SPOCK1: variants seen among roughly 807,000 people sequenced by gnomAD.
SPOCK1 encodes testican-1.
SPOCK1 carries 23 observed loss-of-function variants against 55.3 expected under a neutral mutation model. That is an observed-to-expected ratio of 0.42 (90% CI 0.30 to 0.59). The LOEUF (loss-of-function observed/expected upper bound fraction) is 0.59. Among genes scored for constraint, SPOCK1 ranks in the 20% least tolerant of loss-of-function variants. SPOCK1 has a pLI of 0.22. For synonymous variants in SPOCK1, 226 were observed against 221.0 expected (o/e 1.02, Z -0.20); for missense variants, 499 against 552.5 (o/e 0.90, Z 0.97).
At chr5:137,311,385 C>T (rs964009239) in intron 2 of SPOCK1, among the ~76,000 whole-genome samples, 10 of 152,122 alleles carry the variant, frequency 6.6e-5, no homozygotes, top group African/African-American at 2.4e-4. Context: ...CAATCTGGAC[C>T]GCATATTAAA....
chr5:137,265,344 T>C (rs1756828334), intron 3 of SPOCK1, among the ~76,000 whole-genome samples: 1 of 152,214 alleles, frequency 6.6e-6, no homozygotes, highest in Admixed American at 6.5e-5. Context: ...CAACATTTGA[T>C]CCTTATAGCA....
chr5:137,190,901 A>G (rs534219877), intron 3 of SPOCK1, among the ~76,000 whole-genome samples: 1 of 152,266 alleles, frequency 6.6e-6, no homozygotes, highest in Non-Finnish European at 1.5e-5. Flanking sequence ...GTCTATGTAT[A>G]TTTTCTGAGC....
At chr5:136,990,243 A>G (rs1223540456) in intron 7 of SPOCK1, among the ~76,000 whole-genome samples, 1 of 152,054 alleles carries the variant, frequency 6.6e-6, no homozygotes, top group East Asian at 1.9e-4. Flanking sequence ...ATCTTTGCAG[A>G]AAAGTCTTCA....
At chr5:137,147,804 C>T (rs947711771) in intron 3 of SPOCK1, among the ~76,000 whole-genome samples, 1 of 152,122 alleles carries the variant, frequency 6.6e-6, no homozygotes, top group Non-Finnish European at 1.5e-5. Context: ...TAGTTAATAA[C>T]ATAATACATT....
chr5:137,222,925 T>C (rs1241327965), intron 3 of SPOCK1, among the ~76,000 whole-genome samples: 1 of 152,080 alleles, frequency 6.6e-6, no homozygotes, highest in African/African-American at 2.4e-5. Context: ...ACACAGTATA[T>C]TGGTGGCTTT....
chr5:137,119,594 G>A lies in SPOCK1; in HGVS notation c.348-7033C>T, dbSNP rs951535549. Among the ~76,000 whole-genome samples the A allele has an allele frequency of 3.3e-5, 5 of 152,176 alleles. No homozygotes were observed. In the South Asian group the frequency reaches 6.2e-4, roughly 19 times the overall value. The stretch of plus-strand genomic sequence containing the variant: ...GTTCCAAATGAAGAAGATCCCAGAC[G>A]TGAAAGCATGTCCAAAGAGTCCAGT... On this transcript the variant is annotated intron_variant, in intron 4 of 10. Transcript: ENST00000394945.
At chr5:137,144,541 A>G (rs1754157957) in intron 3 of SPOCK1, among the ~76,000 whole-genome samples, 1 of 152,216 alleles carries the variant, frequency 6.6e-6, no homozygotes, top group South Asian at 2.1e-4. Flanking sequence ...CATTTGTTTA[A>G]TCACCTCGCC....
intron 2 of SPOCK1, among the ~76,000 whole-genome samples, chr5:137,324,219 T>C (rs1758032829): frequency 6.6e-6 from 1 of 152,076 alleles, no homozygotes; most frequent in Admixed American, 6.5e-5. Context: ...CAGAGGTGGG[T>C]GGATCACTTG....
intron 5 of SPOCK1, among the ~76,000 whole-genome samples, chr5:137,087,913 A>C (rs1461114843): frequency 2.6e-5 from 4 of 152,236 alleles, no homozygotes; most frequent in Non-Finnish European, 5.9e-5. Flanking sequence ...GGATTTCTGC[A>C]ACAAAGAGCT....
At chr5:137,081,815 T>C (rs897826973) in intron 5 of SPOCK1, among the ~76,000 whole-genome samples, 3 of 152,248 alleles carry the variant, frequency 2.0e-5, no homozygotes, top group Admixed American at 6.5e-5. Context: ...CAAAGAGGAT[T>C]TTCTTTGCTT....
intron 2 of SPOCK1, among the ~76,000 whole-genome samples, chr5:137,493,794 C>T (rs1041146537): frequency 6.6e-6 from 1 of 152,194 alleles, no homozygotes; most frequent in Non-Finnish European, 1.5e-5. Flanking sequence ...TCCACTAAGC[C>T]ATACCACCTC....
rs77897361 is a variant in SPOCK1, at chr5:137,213,409, T to C, written c.232+53601A>G. On this transcript the variant is annotated intron_variant, in intron 3 of 10. Transcript: ENST00000394945. ...CTATCAAGAACTCATATTTTTAGAC[T>C]TGATGAGCCAAGCTCTGTGCAGAGC... 7.5e-3 allele frequency among the ~76,000 whole-genome samples: 1,143 copies of C among 152,322 alleles called. 9 individuals are homozygous for C. Among genetic ancestry groups the C allele is most frequent in the Non-Finnish European group, 0.014 (919 of 68,028 alleles).
chr5:137,069,906 G>A (rs1223903431), intron 5 of SPOCK1, among the ~76,000 whole-genome samples: 2 of 152,250 alleles, frequency 1.3e-5, no homozygotes, highest in African/African-American at 2.4e-5. Context: ...GTTACTGCCC[G>A]ATTGTATCTG....
intron 2 of SPOCK1, among the ~76,000 whole-genome samples, chr5:137,470,213 T>C (rs1753707219): frequency 6.6e-6 from 1 of 152,206 alleles, no homozygotes. Flanking sequence ...GAGTGCATCC[T>C]CAGCTAAACA....
chr5:137,409,428 G>C (rs1390784252), intron 2 of SPOCK1, among the ~76,000 whole-genome samples: 2 of 152,284 alleles, frequency 1.3e-5, no homozygotes, highest in Non-Finnish European at 1.5e-5. Context: ...AGGAAATCTG[G>C]AGGAGGAAGT....
intron 8 of SPOCK1, among the ~76,000 whole-genome samples, chr5:136,987,684 ATCC>A (rs1181913502): frequency 6.6e-6 from 1 of 152,156 alleles, no homozygotes; most frequent in Non-Finnish European, 1.5e-5. Flanking sequence ...ATTAGCAGCC[ATCC>A]TCCTTTCCTG....
chr5:137,448,466 C>T (rs1753177333), intron 2 of SPOCK1, among the ~76,000 whole-genome samples: 1 of 152,070 alleles, frequency 6.6e-6, no homozygotes, highest in Admixed American at 6.5e-5. Flanking sequence ...CTGTGAAGTG[C>T]AACCCCAGAG....
rs117631513 is a variant in SPOCK1, at chr5:137,035,947, A to G, written c.589+31768T>C. On this transcript the variant is annotated intron_variant, in intron 6 of 10. Coordinates refer to ENST00000394945, the MANE Select transcript of SPOCK1 (RefSeq NM_004598.4). ...CTGGGGATTAACCAGGGATTGAGGC[A>G]GAGATGGAGCTGCCCTCATGGAGCT... Among the ~76,000 whole-genome samples, 20 of 152,330 alleles carry G rather than the reference A, an allele frequency of 1.3e-4. No homozygotes were observed. The East Asian group carries it at 3.5e-3, about 27-fold the overall frequency.
chr5:137,415,225 T>C (rs192201645), intron 2 of SPOCK1, among the ~76,000 whole-genome samples: 2 of 152,326 alleles, frequency 1.3e-5, no homozygotes, highest in Admixed American at 6.5e-5. Context: ...GAAGAACCCA[T>C]ATAGTTTGAG....
Sources: allele counts gnomAD v4.1 joint callset (sites outside exome capture counted in the v4.1 genomes callset), GRCh38; gene constraint gnomAD v4.1.1; transcripts MANE v1.5; gene names NCBI Gene and HGNC (gene_info 2026-07-23, HGNC 2026-07-21).